The following CRB1 variants were observed in gnomAD, a reference collection of about 807,000 sequenced individuals.
CRB1 encodes protein crumbs homolog 1.
In CRB1, 83 loss-of-function variants were observed where a neutral mutation model predicts 120.0. That is an observed-to-expected ratio of 0.69 (90% confidence interval 0.58 to 0.83). CRB1 has a LOEUF of 0.83. CRB1 is among the 40% of genes least tolerant of loss of function. The probability of loss-of-function intolerance (pLI) is 0.00; values close to 1 mark genes in which losing one functional copy is unlikely to be tolerated. For synonymous variants in CRB1, 625 were observed against 612.5 expected (o/e 1.02, Z -0.30); for missense variants, 1,699 against 1,687.6 (o/e 1.01, Z -0.12).
chr1:197,288,817 G>A (rs901650240), intron 1 of CRB1, among the ~76,000 whole-genome samples: 1 of 151,590 alleles, frequency 6.6e-6, no homozygotes, highest in East Asian at 1.9e-4. Context: ...ACAAAACAAA[G>A]CAAAGCAAAC....
chr1:197,437,279 C>T (rs182933426), intron 9 of CRB1, among the ~76,000 whole-genome samples: 23 of 152,226 alleles, frequency 1.5e-4, no homozygotes, highest in Admixed American at 1.3e-3. Flanking sequence ...TTGTACATCT[C>T]TCCTTAACAG....
intron 2 of CRB1, among the ~76,000 whole-genome samples, chr1:197,341,819 T>C (rs1489625294): frequency 6.6e-6 from 1 of 152,178 alleles, no homozygotes; most frequent in Non-Finnish European, 1.5e-5. Flanking sequence ...ATCTCCATGA[T>C]TCATTCTTAA....
chr1:197,457,539 T>C (rs189650121), intron 11 of CRB1, among the ~76,000 whole-genome samples: 75 of 152,240 alleles, frequency 4.9e-4, no homozygotes, highest in African/African-American at 1.8e-3. Flanking sequence ...GGAGAAAATG[T>C]CTTGTTTATC....
chr1:197,416,027 G>A (rs903087826), intron 5 of CRB1, among the ~76,000 whole-genome samples: 4 of 152,190 alleles, frequency 2.6e-5, no homozygotes, highest in Non-Finnish European at 5.9e-5. Flanking sequence ...CAGGCCTGAA[G>A]AGATACCCTT....
At chr1:197,441,292 G>A (rs1236398903) in intron 10 of CRB1, 1 of 152,182 alleles carries the variant, frequency 6.6e-6, no homozygotes, top group Non-Finnish European at 1.5e-5. Flanking sequence ...TTGTCACATA[G>A]TATGTGTTAA....
At chr1:197,291,970 G>A (rs924288374) in intron 1 of CRB1, among the ~76,000 whole-genome samples, 2 of 152,014 alleles carry the variant, frequency 1.3e-5, no homozygotes, top group Non-Finnish European at 2.9e-5. Flanking sequence ...AAGCAGGAAA[G>A]ATCTAAAATT....
At chr1:197,273,786 G>A (rs552401805) in intron 1 of CRB1, among the ~76,000 whole-genome samples, 10 of 152,058 alleles carry the variant, frequency 6.6e-5, no homozygotes, top group Non-Finnish European at 7.4e-5. Flanking sequence ...TTTAAAAAAG[G>A]ATTTTCTTCC....
At chr1:197,361,737 T>C (rs1429067588) in intron 5 of CRB1, among the ~76,000 whole-genome samples, 1 of 152,012 alleles carries the variant, frequency 6.6e-6, no homozygotes, top group Non-Finnish European at 1.5e-5. Flanking sequence ...TGTCCACCTT[T>C]TTACAGGTTT....
upstream of CRB1, among the ~76,000 whole-genome samples, chr1:197,266,296 C>T (rs1319256260): frequency 6.6e-6 from 1 of 152,058 alleles, no homozygotes; most frequent in Non-Finnish European, 1.5e-5. Context: ...TTGGTAGCTG[C>T]CAAGGGCCTG....
chr1:197,429,046 C>G lies in CRB1; in HGVS notation c.2677-403C>G, dbSNP rs757685803. ...ACCTAAGTACCAAGTTTCACTGTTT[C>G]GCTTCTGTGTAGGATCTTGGGCAAC... On this transcript the variant is annotated intron_variant, in intron 7 of 11. Transcript: ENST00000367400. The G allele has an allele frequency of 4.1e-5, 61 of 1,493,002 alleles. No individual in the cohort carries two copies. The South Asian group carries it at 6.2e-4, about 15-fold the overall frequency. 92.5% of individuals were successfully genotyped at this position (1,493,002 alleles called of 1,614,324 possible).
At chr1:197,249,828 C>A in the CRB1 span, among the ~76,000 whole-genome samples, 1 of 151,866 alleles carries the variant, frequency 6.6e-6, no homozygotes, top group Non-Finnish European at 1.5e-5. Context: ...CAGGCAAAGT[C>A]CAGAGTGCAA....
At chr1:197,424,522 G>A (rs1282147273) in intron 6 of CRB1, among the ~76,000 whole-genome samples, 1 of 152,062 alleles carries the variant, frequency 6.6e-6, no homozygotes, top group African/African-American at 2.4e-5. Context: ...GAATATATTT[G>A]CTTCTTTGTA....
At chr1:197,440,538 TA>T (rs1665382203) in intron 10 of CRB1, 1 of 152,246 alleles carries the variant, frequency 6.6e-6, no homozygotes, top group Non-Finnish European at 1.5e-5. Flanking sequence ...GATTTATTTT[TA>T]CTTTTCATGC....
intron 1 of CRB1, among the ~76,000 whole-genome samples, chr1:197,276,595 G>A (rs1655221695): frequency 6.6e-6 from 1 of 151,718 alleles, no homozygotes; most frequent in South Asian, 2.1e-4. Context: ...ATAGAAGAAA[G>A]CAAAAGATGA....
At chr1:197,324,581 T>C (rs1371529591) in intron 1 of CRB1, among the ~76,000 whole-genome samples, 1 of 152,154 alleles carries the variant, frequency 6.6e-6, no homozygotes, top group Non-Finnish European at 1.5e-5. Context: ...TTTAACCCTT[T>C]ATAACAACTC....
intron 1 of CRB1, among the ~76,000 whole-genome samples, chr1:197,307,892 C>A (rs1326641321): frequency 6.6e-6 from 1 of 152,172 alleles, no homozygotes; most frequent in Non-Finnish European, 1.5e-5. Context: ...GTTACTTAAA[C>A]TCTCTTTTCG....
Position 197,427,748 on chromosome 1 carries a change from A to ACT in CRB1, c.2423_2424insCT (p.Gln809PhefsTer7). ...ATCAAGCCATATAAAATTGAACTGT[A>ACT]TCAGTCTTCACAAAACCTAGGATTT... On this transcript the variant is annotated frameshift_variant, in exon 7 of 12. Transcript: ENST00000367400. LOFTEE classifies it high-confidence loss of function. The ACT allele has an allele frequency of 1.2e-6, 2 of 1,614,034 alleles. No homozygotes were observed. The highest frequency in any genetic ancestry group is 1.7e-6 in the Non-Finnish European group (2 of 1,179,970).
intron 5 of CRB1, chr1:197,357,323 A>G (rs1660541857): frequency 4.9e-6 from 2 of 405,062 alleles, no homozygotes; most frequent in South Asian, 5.1e-5. Context: ...TTTTTATGCT[A>G]TCAAATTTGA....
intron 8 of CRB1, among the ~76,000 whole-genome samples, chr1:197,433,308 A>C (rs943409068): frequency 3.9e-5 from 6 of 152,150 alleles, no homozygotes; most frequent in Non-Finnish European, 7.4e-5. Context: ...AAGCAGGGAC[A>C]CTAAGAAGTA....
Sources: gnomAD v4.1 joint callset for allele counts (sites outside exome capture counted in the v4.1 genomes callset) on GRCh38, gnomAD v4.1.1 for gene constraint, MANE v1.5 for transcripts, NCBI Gene and HGNC (gene_info 2026-07-23, HGNC 2026-07-21) for gene names.